PTPRD: variants seen among roughly 807,000 people sequenced by gnomAD.
PTPRD encodes protein tyrosine phosphatase receptor type D, also known as receptor-type tyrosine-protein phosphatase delta.
Under a neutral mutation model 214.5 loss-of-function variants are expected in PTPRD, and 34 were observed. The ratio of observed to expected loss-of-function variants is 0.16; its 90% CI spans 0.12 to 0.21. PTPRD has a LOEUF of 0.21. PTPRD is among the 10% of genes least tolerant of loss of function. The pLI, the probability that PTPRD is intolerant of heterozygous loss-of-function variation, is 1.00. For synonymous variants in PTPRD, 1,128 were observed against 845.7 expected (o/e 1.33, Z -5.79); for missense variants, 2,545 against 2,398.7 (o/e 1.06, Z -1.27).
chr9:9,838,858 T>C (rs902104761), intron 5 of PTPRD, among the ~76,000 whole-genome samples: 2 of 152,206 alleles, frequency 1.3e-5, no homozygotes, highest in African/African-American at 4.8e-5. Flanking sequence ...ATGTCCTGAA[T>C]GGTAATGCCT....
intron 2 of PTPRD, among the ~76,000 whole-genome samples, chr9:10,403,059 C>A (rs1224715857): frequency 6.6e-6 from 1 of 151,084 alleles, no homozygotes; most frequent in East Asian, 2.0e-4. Flanking sequence ...TAAATAGTTT[C>A]AGTCCAGCCA....
intron 4 of PTPRD, among the ~76,000 whole-genome samples, chr9:9,990,341 G>A (rs1057503419): frequency 1.3e-5 from 2 of 152,186 alleles, no homozygotes; most frequent in Admixed American, 1.3e-4. Flanking sequence ...TAAGTACAAT[G>A]TACGTTTGGC....
intron 2 of PTPRD, among the ~76,000 whole-genome samples, chr9:10,603,845 G>T (rs985563): frequency 0.36 from 55,257 of 151,540 alleles, 10,109 homozygotes; most frequent in East Asian, 0.5. Flanking sequence ...AAACAAAAAA[G>T]TGTAATTACA....
chr9:10,128,551 G>C (rs2098836540), intron 3 of PTPRD, among the ~76,000 whole-genome samples: 1 of 152,076 alleles, frequency 6.6e-6, no homozygotes, highest in African/African-American at 2.4e-5. Context: ...TTTTGATCTA[G>C]GACTTTCAGC....
intron 5 of PTPRD, among the ~76,000 whole-genome samples, chr9:9,793,854 A>T (rs929393167): frequency 6.6e-6 from 1 of 152,236 alleles, no homozygotes; most frequent in Non-Finnish European, 1.5e-5. Context: ...AAAATTAAAA[A>T]GTTTTGAGGA....
intron 9 of PTPRD, among the ~76,000 whole-genome samples, chr9:9,316,402 C>T (rs1257423009): frequency 6.6e-6 from 1 of 152,034 alleles, no homozygotes; most frequent in Non-Finnish European, 1.5e-5. Flanking sequence ...ATTTATAGTA[C>T]ACATAGAGCT....
intron 11 of PTPRD, among the ~76,000 whole-genome samples, chr9:8,817,938 T>G (rs2096955851): frequency 6.6e-6 from 1 of 151,982 alleles, no homozygotes; most frequent in South Asian, 2.1e-4. Flanking sequence ...TGCTCAGGGG[T>G]TTTTAAAAGG....
intron 12 of PTPRD, among the ~76,000 whole-genome samples, chr9:8,676,057 C>T (rs1045222722): frequency 4.6e-5 from 7 of 152,186 alleles, no homozygotes; most frequent in African/African-American, 1.7e-4. Flanking sequence ...TTCATACAAA[C>T]CTATACAATA....
rs191483176 is a variant in PTPRD at position 8,507,771 on chromosome 9, G to C, written c.1544-337C>G. 1.1e-4 allele frequency among the ~76,000 whole-genome samples: 16 copies of C among 152,196 alleles called. No individual in the cohort carries two copies. The East Asian group carries it at 3.1e-3, about 29-fold the overall frequency. ...ATAATATAATTTACATAAAGCACTT[G>C]AAATATTGCCAAAAGCATAATAAGT... On this transcript the variant is annotated intron_variant, in intron 21 of 45. Transcript: ENST00000381196.
chr9:10,445,431 C>T (rs140268809), intron 2 of PTPRD, among the ~76,000 whole-genome samples: 6 of 152,098 alleles, frequency 3.9e-5, no homozygotes, highest in Non-Finnish European at 7.4e-5. Flanking sequence ...AAATGGAGGT[C>T]TACACTACTG....
At chr9:8,608,946 G>C (rs1446889673) in intron 14 of PTPRD, among the ~76,000 whole-genome samples, 1 of 152,248 alleles carries the variant, frequency 6.6e-6, no homozygotes, top group South Asian at 2.1e-4. Flanking sequence ...GACTCAGACA[G>C]GACTTCGCAA....
Position 10,427,507 on chromosome 9 carries a change from C to T in PTPRD, c.-599-86490G>A, listed in dbSNP as rs1340074792. On this transcript the variant is annotated intron_variant, in intron 2 of 45. Transcript: ENST00000381196. ...ACTTAGTAAGCATTACTCCAGATGG[C>T]CCATCGGCAGCTGACAGCAATTCTA... Among the ~76,000 whole-genome samples, 7 of 152,126 alleles carry T rather than the reference C, an allele frequency of 4.6e-5. No homozygotes were observed. In the South Asian group the frequency reaches 6.2e-4, roughly 14 times the overall value.
At chr9:8,938,191 T>C (rs766008948) in intron 11 of PTPRD, among the ~76,000 whole-genome samples, 4 of 151,990 alleles carry the variant, frequency 2.6e-5, no homozygotes, top group Non-Finnish European at 5.9e-5. Flanking sequence ...ATGTGGATGG[T>C]AGAGCTATTA....
intron 3 of PTPRD, among the ~76,000 whole-genome samples, chr9:10,201,613 TTTTC>T (rs1224560628): frequency 6.6e-6 from 1 of 152,004 alleles, no homozygotes; most frequent in African/African-American, 2.4e-5. Flanking sequence ...TGTATATGAA[TTTTC>T]TTTATCTGTT....
chr9:9,745,530 C>T (rs2761701), intron 6 of PTPRD, among the ~76,000 whole-genome samples: 123,544 of 152,042 alleles, frequency 0.81, 50,824 homozygotes, highest in African/African-American at 0.94. Flanking sequence ...AATGAATGTT[C>T]CCTTCAGCTG....
At chr9:8,784,798 A>C (rs1365584462) in intron 11 of PTPRD, among the ~76,000 whole-genome samples, 2 of 152,196 alleles carry the variant, frequency 1.3e-5, no homozygotes, top group African/African-American at 4.8e-5. Context: ...GCTACTAAAA[A>C]GTTTGAAAAG....
At chr9:8,783,637 A>T (rs2095826741) in intron 11 of PTPRD, among the ~76,000 whole-genome samples, 1 of 152,162 alleles carries the variant, frequency 6.6e-6, no homozygotes, top group Non-Finnish European at 1.5e-5. Context: ...CTCATACCTC[A>T]AGGTGAAGCC....
At chr9:9,692,107 G>A (rs1278451598) in intron 7 of PTPRD, among the ~76,000 whole-genome samples, 1 of 92,362 alleles carries the variant, frequency 1.1e-5, no homozygotes, top group East Asian at 3.6e-4. Context: ...TTCCTTTGAT[G>A]TGAAGAAGAT....
rs551399797 is a variant in PTPRD, at chr9:9,385,255, C to G, written c.-203+12194G>C. Reference sequence around the variant, plus strand: ...TTTGGACTTTCAAGCACTATGAAGACAGCCAGAAATTTTAGTCAAACATTT... The same window carrying G: ...TTTGGACTTTCAAGCACTATGAAGAGAGCCAGAAATTTTAGTCAAACATTT... On this transcript the variant is annotated intron_variant, in intron 9 of 45. Transcript: ENST00000381196. Among the ~76,000 whole-genome samples, 4 of 152,274 alleles carry G rather than the reference C, an allele frequency of 2.6e-5. 1 individual carries two copies. In the East Asian group the frequency reaches 7.7e-4, roughly 29 times the overall value.
Sources: allele counts gnomAD v4.1 joint callset (sites outside exome capture counted in the v4.1 genomes callset), GRCh38; gene constraint gnomAD v4.1.1; transcripts MANE v1.5; gene names NCBI Gene and HGNC (gene_info 2026-07-23, HGNC 2026-07-21).